Variants in RASGRP3 observed in about 807,000 individuals in gnomAD.
RASGRP3 encodes RAS guanyl releasing protein 3.
In RASGRP3, 54 loss-of-function variants were observed where a neutral mutation model predicts 82.7. The ratio of observed to expected loss-of-function variants is 0.65; its 90% CI spans 0.52 to 0.82. The LOEUF (loss-of-function observed/expected upper bound fraction) is 0.82, where lower values mean the gene tolerates loss of function less well. Among genes scored for constraint, RASGRP3 ranks in the 40% least tolerant of loss-of-function variants. The pLI, the probability that RASGRP3 is intolerant of heterozygous loss-of-function variation, is 0.00. For missense variants in RASGRP3, 861 were observed against 828.9 expected (o/e 1.04, Z -0.48); for synonymous variants, 309 against 300.5 (o/e 1.03, Z -0.29).
upstream of RASGRP3, chr2:33,476,215 CT>C (rs1558418123): frequency 1.3e-5 from 2 of 152,184 alleles, no homozygotes; most frequent in Non-Finnish European, 2.9e-5. Context: ...AACAGTTGTA[CT>C]CCGGGGTTAA....
intron 5 of RASGRP3, 25 bp downstream of exon 5, chr2:33,520,039 T>A: frequency 6.5e-7 from 1 of 1,530,852 alleles, no homozygotes; most frequent in Non-Finnish European, 8.9e-7. Flanking sequence ...AAATTTAATT[T>A]CTTGTAGTTT....
intron 1 of RASGRP3, among the ~76,000 whole-genome samples, chr2:33,492,569 G>T (rs1668950025): frequency 6.6e-6 from 1 of 152,172 alleles, no homozygotes; most frequent in Admixed American, 6.5e-5. Flanking sequence ...GAGTGGGGCT[G>T]TAATTTCTGA....
chr2:33,501,904 C>T (rs1045696583), intron 1 of RASGRP3, among the ~76,000 whole-genome samples: 4 of 152,138 alleles, frequency 2.6e-5, no homozygotes, highest in African/African-American at 9.7e-5. Context: ...TACTACACTG[C>T]GGCTAAGCCT....
At chr2:33,533,988 T>C (rs1398233708) in intron 10 of RASGRP3, 2 of 237,180 alleles carry the variant, frequency 8.4e-6, no homozygotes, top group Non-Finnish European at 1.6e-5. Context: ...TTATTACATT[T>C]ACAAGTCTTA....
intron 1 of RASGRP3, among the ~76,000 whole-genome samples, chr2:33,480,280 T>C (rs1445312503): frequency 1.3e-5 from 2 of 152,192 alleles, no homozygotes; most frequent in Non-Finnish European, 2.9e-5. Context: ...CCTGACCTGG[T>C]GATCCACCCG....
At chr2:33,534,797 C>T (rs780062127) in intron 11 of RASGRP3, among the ~76,000 whole-genome samples, 3 of 150,792 alleles carry the variant, frequency 2.0e-5, no homozygotes, top group Non-Finnish European at 4.4e-5. Flanking sequence ...CTTGCCGTGG[C>T]CATTACAGGC....
chr2:33,559,293 C>T (rs142601064), intron 17 of RASGRP3, among the ~76,000 whole-genome samples: 266 of 152,172 alleles, frequency 1.7e-3, no homozygotes, highest in African/African-American at 6.1e-3. Context: ...GTCATGTGTG[C>T]GTACTGAAAT....
chr2:33,524,923 C>CA (rs930686692), intron 9 of RASGRP3, among the ~76,000 whole-genome samples: 1 of 150,846 alleles, frequency 6.6e-6, no homozygotes, highest in African/African-American at 2.4e-5. Context: ...ACTAAAAATA[C>CA]AAAAAAAATT....
intron 14 of RASGRP3, 97 bp downstream of exon 14, chr2:33,549,848 G>A: frequency 2.2e-6 from 3 of 1,359,658 alleles, no homozygotes; most frequent in South Asian, 1.6e-5. Context: ...TTCACTGTCT[G>A]CTTTGAATCA....
At chr2:33,557,676 C>T (rs919933765) in intron 15 of RASGRP3, among the ~76,000 whole-genome samples, 2 of 150,592 alleles carry the variant, frequency 1.3e-5, no homozygotes, top group African/African-American at 4.9e-5. Context: ...CGCCACTGCA[C>T]TCCAGCCTGG....
chr2:33,512,184 C>G (rs1670987772), intron 2 of RASGRP3, among the ~76,000 whole-genome samples: 1 of 152,196 alleles, frequency 6.6e-6, no homozygotes. Context: ...CCCGGCCCAC[C>G]TGGCCCGTCG....
intron 16 of RASGRP3, 39 bp downstream of exon 16, chr2:33,558,375 C>G: frequency 1.2e-6 from 2 of 1,611,634 alleles, no homozygotes; most frequent in Non-Finnish European, 1.7e-6. Context: ...TGGTCTCTTT[C>G]TGCTTGCCTC....
At chr2:33,495,266 G>T (rs1246470205) in intron 1 of RASGRP3, among the ~76,000 whole-genome samples, 1 of 152,238 alleles carries the variant, frequency 6.6e-6, no homozygotes, top group Admixed American at 6.5e-5. Context: ...CAGGGCAGGG[G>T]CTGGGGGTTG....
intron 1 of RASGRP3, among the ~76,000 whole-genome samples, chr2:33,497,397 C>T (rs1669426531): frequency 6.6e-6 from 1 of 152,182 alleles, no homozygotes; most frequent in African/African-American, 2.4e-5. Flanking sequence ...TGATGAGGTT[C>T]TCTTTTTAAT....
chr2:33,536,492 G>A (rs565220193), intron 11 of RASGRP3, among the ~76,000 whole-genome samples: 2 of 152,084 alleles, frequency 1.3e-5, no homozygotes, highest in South Asian at 2.1e-4. Context: ...GGACAACTTA[G>A]GAATAGCCAT....
intron 10 of RASGRP3, chr2:33,530,740 G>C (rs79200316): frequency 6.6e-6 from 1 of 152,268 alleles, no homozygotes; most frequent in South Asian, 2.1e-4. Context: ...CTGTGAGGGT[G>C]GGGGCTATGT....
intron 14 of RASGRP3, 21 bp from the exon 15 acceptor site, chr2:33,555,510 T>C: frequency 6.3e-7 from 1 of 1,584,770 alleles, no homozygotes. Context: ...TTCCCTGACA[T>C]TCCTTTGTCT....
chr2:33,511,369 C>G (rs552127308), intron 1 of RASGRP3, among the ~76,000 whole-genome samples: 1 of 152,270 alleles, frequency 6.6e-6, no homozygotes, highest in South Asian at 2.1e-4. Context: ...TAAGGATTTA[C>G]TAACATTTCA....
chr2:33,526,746 A>G (rs1026356065), intron 9 of RASGRP3, among the ~76,000 whole-genome samples: 2 of 152,234 alleles, frequency 1.3e-5, no homozygotes, highest in African/African-American at 2.4e-5. Context: ...GTCCCAAATT[A>G]ACCTCGAGTA....
Sources: gnomAD v4.1 joint callset for allele counts (sites outside exome capture counted in the v4.1 genomes callset) on GRCh38, gnomAD v4.1.1 for gene constraint, MANE v1.5 for transcripts, NCBI Gene and HGNC (gene_info 2026-07-23, HGNC 2026-07-21) for gene names.